Variants in YAP1 observed in about 807,000 individuals in gnomAD.
YAP1 encodes the protein Yes1 associated transcriptional regulator.
In YAP1, 5 loss-of-function variants were observed where a neutral mutation model predicts 56.9. The ratio of observed to expected loss-of-function variants is 0.09; its 90% CI spans 0.05 to 0.18. The LOEUF (loss-of-function observed/expected upper bound fraction) is 0.18, where lower values mean the gene tolerates loss of function less well. Among genes scored for constraint, YAP1 ranks in the 10% least tolerant of loss-of-function variants. The pLI, the probability that YAP1 is intolerant of heterozygous loss-of-function variation, is 1.00. For synonymous variants in YAP1, 265 were observed against 248.1 expected, an observed-to-expected ratio of 1.07 and a Z score of -0.64; for missense variants, 539 against 651.8, an observed-to-expected ratio of 0.83 and a Z score of 1.88.
chr11:102,172,311 T>A (rs939251364), intron 3 of YAP1, among the ~76,000 whole-genome samples: 1 of 137,944 alleles, frequency 7.2e-6, no homozygotes, highest in African/African-American at 2.8e-5. Context: ...TTTTTTTTTT[T>A]TTTTTTTTTT....
chr11:102,180,176 ATT>A (rs2135479844), intron 3 of YAP1, among the ~76,000 whole-genome samples: 1 of 151,760 alleles, frequency 6.6e-6, no homozygotes, highest in East Asian at 2.0e-4. Context: ...CACCCGGCTA[ATT>A]TTGTAGTTTT....
intron 2 of YAP1, among the ~76,000 whole-genome samples, chr11:102,156,158 C>T (rs1222121248): frequency 6.6e-6 from 1 of 152,054 alleles, no homozygotes; most frequent in Non-Finnish European, 1.5e-5. Context: ...TGTAGTAGTT[C>T]CATTTAAAAT....
chr11:102,222,864 T>A (rs1232365935), intron 6 of YAP1, among the ~76,000 whole-genome samples: 9 of 150,892 alleles, frequency 6.0e-5, no homozygotes, highest in Non-Finnish European at 4.4e-5. Flanking sequence ...TCTTCCTACT[T>A]CTTTTTTTTT....
intron 4 of YAP1, chr11:102,186,413 A>T (rs1299443512): frequency 3.0e-6 from 1 of 328,490 alleles, no homozygotes; most frequent in Non-Finnish European, 5.6e-6. Flanking sequence ...TGGGAGAAAC[A>T]CAGTGATTGT....
intron 1 of YAP1, 56 bp downstream of exon 1, chr11:102,111,225 G>A (rs1398674030): frequency 5.6e-6 from 9 of 1,598,634 alleles, no homozygotes; most frequent in African/African-American, 2.7e-5. Context: ...AGACCGGGGG[G>A]GCGCTCGGGA....
At chr11:102,167,392 A>G (rs114162413) in intron 3 of YAP1, among the ~76,000 whole-genome samples, 5 of 152,362 alleles carry the variant, frequency 3.3e-5, no homozygotes, top group African/African-American at 1.2e-4. Flanking sequence ...AAATATATGT[A>G]TAAATAAGTC....
intron 4 of YAP1, among the ~76,000 whole-genome samples, chr11:102,196,602 TTTTG>T (rs1298781891): frequency 2.6e-5 from 4 of 151,580 alleles, no homozygotes; most frequent in African/African-American, 7.2e-5. Flanking sequence ...TACAGGGCTT[TTTTG>T]TTTGTTTTTG....
chr11:102,132,806 C>T (rs1323903321), intron 2 of YAP1, among the ~76,000 whole-genome samples: 1 of 152,202 alleles, frequency 6.6e-6, no homozygotes, highest in Non-Finnish European at 1.5e-5. Context: ...ATTATCCCTG[C>T]AAATTGAATT....
chr11:102,149,677 C>A lies in YAP1; in HGVS notation c.573-12779C>A, dbSNP rs146295943. Among the ~76,000 whole-genome samples, 113 of 152,206 alleles carry A rather than the reference C, an allele frequency of 7.4e-4. 1 individual carries two copies. The highest frequency in any genetic ancestry group is 2.3e-3 in the African/African-American group (97 of 41,520). On this transcript the variant is annotated intron_variant, in intron 2 of 8. Transcript: ENST00000282441. The stretch of plus-strand genomic sequence containing the variant: ...AATAACTTAATATTGCTTTTGTGAT[C>A]ATGGAAAAGTAGGAAGGATTTGTTT...
intron 6 of YAP1, among the ~76,000 whole-genome samples, chr11:102,211,299 A>G (rs1261746219): frequency 6.6e-6 from 1 of 152,218 alleles, no homozygotes; most frequent in Non-Finnish European, 1.5e-5. Flanking sequence ...TAAAATTATC[A>G]GGAATTCTTA....
chr11:102,149,977 C>CTTTTTTTTT lies in YAP1; in HGVS notation c.573-12460_573-12452dup, dbSNP rs386374692. Among the ~76,000 whole-genome samples the CTTTTTTTTT allele has an allele frequency of 9.9e-5, 5 of 50,290 alleles. 1 individual carries two copies. Among genetic ancestry groups the CTTTTTTTTT allele is most frequent in the African/African-American group, 2.2e-4 (3 of 13,402 alleles). 33.0% of individuals were successfully genotyped at this position (50,290 alleles called of 152,430 possible). On this transcript the variant is annotated intron_variant, in intron 2 of 8. Transcript: ENST00000282441. ...TAAAAAAGAGATTTTGAGTAGTGTG[C>CTTTTTTTTT]TTTTTTTTTTTTTTTTTTTTTTTTT...
intron 4 of YAP1, 190 bp downstream of exon 4, chr11:102,186,321 C>A: frequency 1.6e-6 from 1 of 624,360 alleles, no homozygotes. Context: ...AGATCTGAAT[C>A]AGATTTTTAG....
At chr11:102,165,899 C>T (rs1415982255) in intron 3 of YAP1, among the ~76,000 whole-genome samples, 1 of 152,138 alleles carries the variant, frequency 6.6e-6, no homozygotes, top group Non-Finnish European at 1.5e-5. Context: ...TGGGGAACTG[C>T]TTCTCCAGAA....
intron 2 of YAP1, among the ~76,000 whole-genome samples, chr11:102,152,717 G>T (rs1183009530): frequency 6.6e-6 from 1 of 152,178 alleles, no homozygotes; most frequent in Non-Finnish European, 1.5e-5. Context: ...AAAAGATTCA[G>T]ATTATGCCTG....
intron 6 of YAP1, among the ~76,000 whole-genome samples, chr11:102,211,404 C>G (rs572308338): frequency 1.7e-4 from 26 of 152,110 alleles, no homozygotes; most frequent in Non-Finnish European, 2.8e-4. Context: ...TCAGATTTGC[C>G]CAGACCAGAG....
chr11:102,110,665 G>GGGCGGA lies in YAP1; in HGVS notation c.-179_-174dup, dbSNP rs1424325259. On this transcript the variant is annotated 5_prime_UTR_variant, in exon 1 of 9. Transcript: ENST00000282441. The stretch of plus-strand genomic sequence containing the variant: ...CCAGTGGAGCCGGGGCGCAGGGCGG[G>GGGCGGA]GGCGGAGGCGCCGGGGCGGGGGATG... 2 of 365,984 alleles carry GGGCGGA rather than the reference G, an allele frequency of 5.5e-6. No individual in the cohort carries two copies. The highest frequency in any genetic ancestry group is 4.4e-5 in the African/African-American group (2 of 45,922). 22.7% of individuals were successfully genotyped at this position (365,984 alleles called of 1,614,324 possible).
chr11:102,177,997 C>T (rs1947363892), intron 3 of YAP1, among the ~76,000 whole-genome samples: 1 of 152,148 alleles, frequency 6.6e-6, no homozygotes, highest in Non-Finnish European at 1.5e-5. Flanking sequence ...GAATCTCACT[C>T]TGCCACTTAC....
chr11:102,127,185 G>T (rs1419310038), intron 2 of YAP1, among the ~76,000 whole-genome samples: 1 of 152,210 alleles, frequency 6.6e-6, no homozygotes, highest in South Asian at 2.1e-4. Context: ...GCAGAAATTT[G>T]CATAAGTAGC....
intron 2 of YAP1, among the ~76,000 whole-genome samples, chr11:102,154,478 G>T (rs1345805067): frequency 6.6e-6 from 1 of 152,018 alleles, no homozygotes; most frequent in Non-Finnish European, 1.5e-5. Flanking sequence ...AATTACACAT[G>T]CATGTGTATA....
Sources: gnomAD v4.1 joint callset for allele counts (sites outside exome capture counted in the v4.1 genomes callset) on GRCh38, gnomAD v4.1.1 for gene constraint, MANE v1.5 for transcripts, NCBI Gene and HGNC (gene_info 2026-07-23, HGNC 2026-07-21) for gene names.